The following TTN variants were observed in gnomAD, a reference collection of about 807,000 sequenced individuals.
The protein encoded by TTN is titin.
TTN carries 1,525 observed loss-of-function variants against 3,223.0 expected under a neutral mutation model. The ratio of observed to expected loss-of-function variants is 0.47; its 90% CI spans 0.45 to 0.49. The LOEUF (loss-of-function observed/expected upper bound fraction) is 0.49. Among genes scored for constraint, TTN ranks in the 20% least tolerant of loss-of-function variants. The pLI is 0.00. For synonymous variants in TTN, 14,094 were observed against 15,161.0 expected, an observed-to-expected ratio of 0.93 and a Z score of 5.17; for missense variants, 40,786 against 43,424.0, an observed-to-expected ratio of 0.94 and a Z score of 5.40.
Position 178,712,889 on chromosome 2 carries a change from G to A in TTN, c.27136C>T (p.Pro9046Ser), listed in dbSNP as rs772800519. Residue 9046 changes from proline to serine, a missense_variant, in exon 94 of 363, where the codon CCT (proline) becomes TCT (serine). Coordinates refer to ENST00000589042, the MANE Select transcript of TTN (RefSeq NM_001267550.2). Reference protein sequence around the residue: ...VTFTSIVKGTPPFSVSWFKGS... With the variant: ...VTFTSIVKGTSPFSVSWFKGS... The stretch of plus-strand genomic sequence containing the variant: ...TTGAACCAGCTAACACTGAAAGGAG[G>A]TGTTCCTTTTACGATACTTGTGAAA... The A allele has an allele frequency of 6.2e-6, 10 of 1,613,628 alleles. No homozygotes were observed. The Admixed American group carries it at 1.5e-4, about 24-fold the overall frequency.
chr2:178,601,521 T>C lies in TTN; in HGVS notation c.55476A>G (p.Thr18492=). 4 of 1,612,808 alleles carry C rather than the reference T, an allele frequency of 2.5e-6. No individual in the cohort carries two copies. Among genetic ancestry groups the C allele is most frequent in the Non-Finnish European group, 3.4e-6 (4 of 1,179,194 alleles). ...PPKDLKVSDI[T]RGSCRLSWKM... is the part of the protein sequence containing the mutation. Reference sequence around the variant, plus strand: ...TCCATGAAAGTCTGCAACTACCCCTTGTGATATCACTGACTTTCAGATCTT... The same window carrying C: ...TCCATGAAAGTCTGCAACTACCCCTCGTGATATCACTGACTTTCAGATCTT... The change falls in exon 287 of 363, where the codon ACA becomes ACG. Residue 18492 remains threonine, a synonymous_variant. Transcript: ENST00000589042.
At position 178,590,182 on chromosome 2, in the gene TTN, T is replaced by G; in HGVS notation, c.61543A>C (p.Lys20515Gln). 1 of 1,611,372 alleles carries G rather than the reference T, an allele frequency of 6.2e-7. No homozygotes were observed. Among genetic ancestry groups the G allele is most frequent in the South Asian group, 1.1e-5 (1 of 90,504 alleles). Residue 20515 changes from lysine to glutamine, a missense_variant, in exon 304 of 363, where the codon AAA becomes CAA. Transcript: ENST00000589042. ...ACCCTCTTTTCTCGGACCAATACTT[T>G]GCCTTCCTTAGTCCAAGTTATGTCT... The part of the protein sequence containing the change: ...EPDITWTKEG[K>Q]VLVREKRVDL...
chr2:178,682,813 T>G lies in TTN; in HGVS notation c.32978A>C (p.Glu10993Ala). Residue 10993 changes from glutamate to alanine, a missense_variant, in exon 135 of 363, where the codon GAA becomes GCA. By Grantham distance (107) the Glu-to-Ala change is moderately radical. Transcript: ENST00000589042. ...CTCAAATTCTTTATAATCATATTCT[T>G]CATATTCCTCATATTCTTCTTCCCG... ...VQREEEYEEY[E>A]EYDYKEFEEY... The G allele has an allele frequency of 1.2e-6, 2 of 1,612,392 alleles. No individual in the cohort carries two copies. Among genetic ancestry groups the G allele is most frequent in the African/African-American group, 1.3e-5 (1 of 75,012 alleles).
At chr2:178,769,986 A>T (rs1210465690) in intron 36 of TTN, 47 bp from the exon 37 acceptor site, 17 of 1,614,046 alleles carry the variant, frequency 1.1e-5, no homozygotes, top group Non-Finnish European at 1.4e-5. Context: ...TTGTTTAAAA[A>T]GTAGATGAAA....
chr2:178,536,017 C>G lies in TTN; in HGVS notation c.100730G>C (p.Gly33577Ala). Reference sequence around the variant, plus strand: ...CAAGGAGGCAGTGCCAGACACAGATCCCCCTTGGTTGGTAGCTCTGACTTG... The same window carrying G: ...CAAGGAGGCAGTGCCAGACACAGATGCCCCTTGGTTGGTAGCTCTGACTTG... ...VYQVRATNQG[G>A]SVSGTASLEV... The change falls in exon 357 of 363, where the codon GGA becomes GCA. Residue 33577 changes from glycine to alanine, a missense_variant. Coordinates refer to ENST00000589042, the MANE Select transcript of TTN (RefSeq NM_001267550.2). The G allele has an allele frequency of 3.9e-6, 6 of 1,555,848 alleles. No homozygotes were observed. The highest frequency in any genetic ancestry group is 5.2e-6 in the Non-Finnish European group (6 of 1,151,788).
Position 178,733,819 on chromosome 2 carries a change from A to G in TTN, c.15570T>C (p.Ala5190=), listed in dbSNP as rs1218773757. 1.2e-6 allele frequency: 2 copies of G among 1,613,772 alleles called. No homozygotes were observed. Among genetic ancestry groups the G allele is most frequent in the South Asian group, 1.1e-5 (1 of 91,070 alleles). ...LGGQTVTLQA[A]VRGSEPISVT... is the part of the protein sequence containing the mutation. ...CAGAAATGGGCTCTGACCCTCTCACAGCAGCTTGCAGGGTAACGGTTTGTC... is the reference window on the plus strand; with the variant it reads ...CAGAAATGGGCTCTGACCCTCTCACGGCAGCTTGCAGGGTAACGGTTTGTC... Residue 5190 remains alanine, a synonymous_variant, in exon 53 of 363, where the codon GCT becomes GCC. Transcript: ENST00000589042.
chr2:178,707,899 G>A (rs1449073282), intron 99 of TTN, 86 bp from the exon 100 acceptor site: 2 of 1,433,160 alleles, frequency 1.4e-6, no homozygotes, highest in African/African-American at 2.9e-5. Context: ...GAGAAAAACT[G>A]GCCTCTAACA....
At chr2:178,748,893 T>C (rs2084495410) in intron 47 of TTN, 3 of 1,612,472 alleles carry the variant, frequency 1.9e-6, no homozygotes, top group Non-Finnish European at 2.5e-6. Context: ...TTGCTTGATC[T>C]TGATTCTCTT....
intron 137 of TTN, 66 bp from the exon 138 acceptor site, chr2:178,681,237 C>G (rs1176127040): frequency 1.4e-5 from 20 of 1,473,062 alleles, no homozygotes; most frequent in Non-Finnish European, 1.8e-5. Context: ...AATAAATACA[C>G]ATAAAAAACT....
Position 178,645,903 on chromosome 2 carries a change from G to T in TTN, c.40408+17C>A. On this transcript the variant is annotated intron_variant, in intron 217 of 362. Coordinates refer to ENST00000589042, the MANE Select transcript of TTN (RefSeq NM_001267550.2). ...TTTGAAGCAGGCTAATAAAACTTTG[G>T]AAGTGGCATTTTTTACCTTTAAGTT... is the stretch of plus-strand genomic sequence containing the variant. 6.7e-7 allele frequency: 1 copy of T among 1,495,410 alleles called. No individual in the cohort carries two copies. The highest frequency in any genetic ancestry group is 9.0e-7 in the Non-Finnish European group (1 of 1,110,670). 92.6% of individuals were successfully genotyped at this position (1,495,410 alleles called of 1,614,324 possible). A position where few individuals can be genotyped will look rare whatever the true frequency, so the allele number is the denominator to read the frequency against.
chr2:178,644,693 T>C, intron 217 of TTN, 77 bp from the exon 218 acceptor site: 1 of 1,154,190 alleles, frequency 8.7e-7, no homozygotes, highest in Non-Finnish European at 1.2e-6. Context: ...ACTCCAAGAA[T>C]CAAAACCAAG....
rs777052871 is a variant in TTN, at chr2:178,570,842, G to A, written c.75290C>T (p.Thr25097Ile). ...AGVFSEPSES[T>I]GAITARDEVD... ...CTCATCTCTAGCTGTTATTGCTCCT[G>A]TGCTTTCTGAAGGCTCACTAAACAC... The change falls in exon 326 of 363, where the codon ACA becomes ATA. Residue 25097 changes from threonine (T) to isoleucine (I), a missense_variant. By Grantham distance (89) the Thr-to-Ile change is moderately conservative. Transcript: ENST00000589042. The A allele has an allele frequency of 6.2e-7, 1 of 1,613,512 alleles. No homozygotes were observed. Among genetic ancestry groups the A allele is most frequent in the Non-Finnish European group, 8.5e-7 (1 of 1,179,628 alleles).
chr2:178,645,390 G>A (rs930781144), intron 217 of TTN, among the ~76,000 whole-genome samples: 2 of 151,886 alleles, frequency 1.3e-5, no homozygotes, highest in Middle Eastern at 3.2e-3. Context: ...TGGGGGAACT[G>A]TAACAAGTCA....
intron 281 of TTN, 91 bp from the exon 282 acceptor site, chr2:178,604,396 G>T (rs1173755739): frequency 3.8e-6 from 4 of 1,065,870 alleles, no homozygotes; most frequent in Non-Finnish European, 3.8e-6. Flanking sequence ...TGGGAGGGAT[G>T]ACTGTAAGAA....
chr2:178,738,471 G>A, intron 48 of TTN, 111 bp from the exon 49 acceptor site: 1 of 1,317,194 alleles, frequency 7.6e-7, no homozygotes, highest in South Asian at 1.7e-5. Context: ...TGAAATTGGT[G>A]AGATGGATTA....
rs1560221 is a variant in TTN at position 178,589,667 on chromosome 2, A to G, written c.62058T>C (p.Tyr20686=). The G allele has an allele frequency of 0.28, 449,977 of 1,613,264 alleles. 75,643 individuals carry two copies. Among genetic ancestry groups the G allele is most frequent in the East Asian group, 0.7 (31,303 of 44,766 alleles). ...CATAGTCAGGCCTCCGCCACTTTAG[A>G]TAGACAAATGTCTTTCCTTTATCTG... The part of the protein sequence containing the change: ...HIADKGKTFV[Y]LKWRRPDYDG... The change falls in exon 304 of 363, where the codon TAT becomes TAC. Residue 20686 remains tyrosine (Y), a synonymous_variant. Coordinates refer to ENST00000589042, the MANE Select transcript of TTN (RefSeq NM_001267550.2).
rs755986938 is a variant in TTN, at chr2:178,532,411, G to A, written c.104204C>T (p.Thr34735Met). The change falls in exon 358 of 363, where the codon ACG becomes ATG. Residue 34735 changes from threonine (T) to methionine (M), a missense_variant. Thr to Met is a moderately conservative substitution (Grantham distance 81). Transcript: ENST00000589042. ...ATAACTTGTACTAGCTTCAGCCTTCGTTGGGATGTGATAGGTTGAATACCT... is the reference window on the plus strand; with the variant it reads ...ATAACTTGTACTAGCTTCAGCCTTCATTGGGATGTGATAGGTTGAATACCT... ...DFRYSTYHIP[T>M]KAEASTSYAE... is the part of the protein sequence containing the mutation. The A allele has an allele frequency of 2.2e-5, 36 of 1,613,848 alleles. No homozygotes were observed. Among genetic ancestry groups the A allele is most frequent in the African/African-American group, 1.2e-4 (9 of 74,916 alleles).
rs879160199 is a variant in TTN at position 178,756,367 on chromosome 2, G to A, written c.11109C>T (p.Ser3703=). 2.5e-5 allele frequency: 41 copies of A among 1,613,624 alleles called. No individual in the cohort carries two copies. The Admixed American group carries it at 5.8e-4, about 23-fold the overall frequency. Reference sequence around the variant, plus strand: ...CATTTTGTGATTGTTTCAGTCTCTCGGATTCCTCTATCTTTGCACCTTCGT... The same window carrying A: ...CATTTTGTGATTGTTTCAGTCTCTCAGATTCCTCTATCTTTGCACCTTCGT... ...WTHEGAKIEE[S]ERLKQSQNGN... is the part of the protein sequence containing the mutation. Residue 3703 remains serine, a synonymous_variant, in exon 46 of 363, where the codon TCC becomes TCT. Coordinates refer to ENST00000589042, the MANE Select transcript of TTN (RefSeq NM_001267550.2).
Position 178,706,585 on chromosome 2 carries a change from T to G in TTN, c.29289A>C (p.Lys9763Asn), listed in dbSNP as rs1301356747. Reference sequence around the variant, plus strand: ...CGCATCGGTATAACCCAGAATCAGTTTTTGTGGTGTCCCTAATCTCCAGTT... The same window carrying G: ...CGCATCGGTATAACCCAGAATCAGTGTTTGTGGTGTCCCTAATCTCCAGTT... ...EAKLEIRDTT[K>N]TDSGLYRCVA... is the part of the protein sequence containing the mutation. Residue 9763 changes from lysine to asparagine, a missense_variant, in exon 102 of 363, where the codon AAA becomes AAC. Lys to Asn is a moderately conservative substitution (Grantham distance 94). Coordinates refer to ENST00000589042, the MANE Select transcript of TTN (RefSeq NM_001267550.2). 1.2e-6 allele frequency: 2 copies of G among 1,613,890 alleles called. No homozygotes were observed. The highest frequency in any genetic ancestry group is 8.5e-7 in the Non-Finnish European group (1 of 1,179,812).
Sources: allele counts gnomAD v4.1 joint callset (sites outside exome capture counted in the v4.1 genomes callset), GRCh38; gene constraint gnomAD v4.1.1; transcripts MANE v1.5; gene names NCBI Gene and HGNC (gene_info 2026-07-23, HGNC 2026-07-21).